CPSF1: variants seen among roughly 807,000 people sequenced by gnomAD.
The protein encoded by CPSF1 is cleavage and polyadenylation specificity factor subunit 1.
In CPSF1, 106 loss-of-function variants were observed where a neutral mutation model predicts 175.8. The observed-to-expected ratio is 0.60, with a 90% CI of 0.52 to 0.71. The LOEUF is 0.71. CPSF1 is among the 30% of genes least tolerant of loss of function. The pLI is 0.00. For missense variants in CPSF1, 1,734 were observed against 2,022.9 expected, an observed-to-expected ratio of 0.86 and a Z score of 2.74; for synonymous variants, 1,024 against 858.3, an observed-to-expected ratio of 1.19 and a Z score of -3.37.
rs1554862667 is a variant in CPSF1, at chr8:144,394,289, G to A, written c.3756C>T (p.Pro1252=). 2 of 1,594,422 alleles carry A rather than the reference G, an allele frequency of 1.3e-6. No homozygotes were observed. The highest frequency in any genetic ancestry group is 1.1e-5 in the South Asian group (1 of 89,336). The change falls in exon 33 of 38, where the codon CCC becomes CCT. Residue 1252 remains proline, a synonymous_variant. Coordinates refer to ENST00000616140, the MANE Select transcript of CPSF1 (RefSeq NM_013291.3). ...TLSLVSRDAK[P]LEVYSVDFMV... ...TGAAGTCCACGCTGTACACCTCCAG[G>A]GGCTTGGCATCCTGGGGGCGGGAAG...
rs1554863778 is a variant in CPSF1 at position 144,396,496 on chromosome 8, A to G, written c.2831T>C (p.Phe944Ser). 6.2e-7 allele frequency: 1 copy of G among 1,611,374 alleles called. No homozygotes were observed. Among genetic ancestry groups the G allele is most frequent in the African/African-American group, 1.3e-5 (1 of 74,998 alleles). The stretch of plus-strand genomic sequence containing the variant: ...CCAGTGAGGGGAGGGGCCGCAGATG[A>G]AGACCTGGGGGCAGGCACCGTGAGG... ...FEDIYGYSGV[F>S]ICGPSPHWLL... The change falls in exon 26 of 38, where the codon TTC becomes TCC. Residue 944 changes from phenylalanine to serine, a missense_variant. This residue lies in a region of CPSF1 where 585 missense variants were observed against 584.7 expected (regional missense o/e 1.00). Transcript: ENST00000616140.
rs189293023 is a variant in CPSF1, at chr8:144,401,349, C to G, written c.307-58G>C. The G allele has an allele frequency of 2.5e-6, 4 of 1,608,424 alleles. No individual in the cohort carries two copies. In the Admixed American group the frequency reaches 6.7e-5, roughly 27 times the overall value. ...CTGCCGGTCCTGACAGTGTCGCCCC[C>G]GGCAACCAACGGCTGTACCCAGGCC... is the stretch of plus-strand genomic sequence containing the variant. On this transcript the variant is annotated intron_variant, in intron 4 of 37. Coordinates refer to ENST00000616140, the MANE Select transcript of CPSF1 (RefSeq NM_013291.3).
At chr8:144,402,187 C>G (rs1554867523) in intron 2 of CPSF1, among the ~76,000 whole-genome samples, 1 of 152,230 alleles carries the variant, frequency 6.6e-6, no homozygotes, top group African/African-American at 2.4e-5. Flanking sequence ...TCACTGCCCT[C>G]CCAGAATGAT....
At chr8:144,393,428 G>A (rs1301620418) in intron 37 of CPSF1, 24 bp downstream of exon 37, 7 of 1,528,518 alleles carry the variant, frequency 4.6e-6, no homozygotes, top group South Asian at 1.2e-5. Context: ...GGCGGGGCGC[G>A]CGGGGGGCGG....
At chr8:144,405,609 G>A (rs1441007110) in intron 2 of CPSF1, among the ~76,000 whole-genome samples, 2 of 152,084 alleles carry the variant, frequency 1.3e-5, no homozygotes, top group South Asian at 2.1e-4. Flanking sequence ...GGGTGACAGA[G>A]GGAGACTCTC....
intron 4 of CPSF1, 39 bp from the exon 5 acceptor site, chr8:144,401,330 G>C (rs2116883699): frequency 6.2e-7 from 1 of 1,601,078 alleles, no homozygotes. Context: ...CCGACTGCCG[G>C]TCCTGACAGT....
intron 2 of CPSF1, among the ~76,000 whole-genome samples, chr8:144,408,018 G>A (rs1334105474): frequency 6.6e-6 from 1 of 152,204 alleles, no homozygotes; most frequent in Admixed American, 6.5e-5. Flanking sequence ...AGCCTTCAGA[G>A]GACAGGAGCC....
chr8:144,400,663 G>A lies in CPSF1; in HGVS notation c.686+8C>T. ...CACAGTGCAGAGGGGCCTCCTTAGGGGGCTCACCCAGGCCAGGTCTGGTTG... is the reference window on the plus strand; with the variant it reads ...CACAGTGCAGAGGGGCCTCCTTAGGAGGCTCACCCAGGCCAGGTCTGGTTG... On this transcript the variant is annotated splice_region_variant and intron_variant, in intron 7 of 37. Coordinates refer to ENST00000616140, the MANE Select transcript of CPSF1 (RefSeq NM_013291.3). The A allele has an allele frequency of 1.2e-6, 2 of 1,603,428 alleles. No individual in the cohort carries two copies.
Position 144,395,567 on chromosome 8 carries a change from AG to A in CPSF1, c.2980-17del. On this transcript the variant is annotated splice_polypyrimidine_tract_variant and intron_variant, in intron 26 of 37. Transcript: ENST00000616140. Reference sequence around the variant, plus strand: ...TCAGCTCGCCCTGGGGTGGGGGCACAGGGGTCAGGGGATCCAGGGCTAGCCA... The same window carrying A: ...TCAGCTCGCCCTGGGGTGGGGGCACAGGGTCAGGGGATCCAGGGCTAGCCA... 2 of 273,828 alleles carry A rather than the reference AG, an allele frequency of 7.3e-6. No individual in the cohort carries two copies. Among genetic ancestry groups the A allele is most frequent in the Non-Finnish European group, 7.3e-6 (1 of 137,410 alleles). 17.0% of individuals were successfully genotyped at this position (273,828 alleles called of 1,614,324 possible).
chr8:144,395,676 C>T, intron 26 of CPSF1, 125 bp from the exon 27 acceptor site: 3 of 766,244 alleles, frequency 3.9e-6, no homozygotes, highest in Non-Finnish European at 6.5e-6. Flanking sequence ...GGGTGAGGGG[C>T]AGCTGTGTCC....
At chr8:144,405,726 G>A (rs1821465251) in intron 2 of CPSF1, among the ~76,000 whole-genome samples, 1 of 152,246 alleles carries the variant, frequency 6.6e-6, no homozygotes, top group African/African-American at 2.4e-5. Context: ...TGTGGTGGCA[G>A]GGACGGTGCC....
rs782146951 is a variant in CPSF1 at position 144,397,849 on chromosome 8, G to C, written c.2104C>G (p.Arg702Gly). The C allele has an allele frequency of 6.2e-7, 1 of 1,611,102 alleles. No homozygotes were observed. The highest frequency in any genetic ancestry group is 1.7e-4 in the Middle Eastern group (1 of 6,056). Residue 702 changes from arginine to glycine, a missense_variant, in exon 21 of 38, where the codon CGA becomes GGA. Coordinates refer to ENST00000616140, the MANE Select transcript of CPSF1 (RefSeq NM_013291.3). ...GTGGTGAACATGCCGCTGAGGTCTC[G>C]GTACAGGCACAGCGTAATCACCTTG... ...QSKVITLCLY[R>G]DLSGMFTTES...
chr8:144,394,163 G>C lies in CPSF1; in HGVS notation c.3812-3C>G. 1 of 1,612,690 alleles carries C rather than the reference G, an allele frequency of 6.2e-7. No individual in the cohort carries two copies. The highest frequency in any genetic ancestry group is 8.5e-7 in the Non-Finnish European group (1 of 1,179,902). On this transcript the variant is annotated splice_region_variant and splice_polypyrimidine_tract_variant and intron_variant, in intron 33 of 37. Coordinates refer to ENST00000616140, the MANE Select transcript of CPSF1 (RefSeq NM_013291.3). ...GAGGTTGCGGTCGCGGTCAGACACTGGGGAGCAGAGGCCCAGGGTCAGCCC... is the reference window on the plus strand; with the variant it reads ...GAGGTTGCGGTCGCGGTCAGACACTCGGGAGCAGAGGCCCAGGGTCAGCCC...
Position 144,400,560 on chromosome 8 carries a change from G to T in CPSF1, c.687-67C>A. 28 of 1,607,518 alleles carry T rather than the reference G, an allele frequency of 1.7e-5. 1 individual carries two copies. The South Asian group carries it at 2.9e-4, about 16-fold the overall frequency. ...CAGAGACCCAGGCCCAGCTCCTCCC[G>T]AGCAAGCCCCACCACACCCCATAGG... On this transcript the variant is annotated intron_variant, in intron 7 of 37. Coordinates refer to ENST00000616140, the MANE Select transcript of CPSF1 (RefSeq NM_013291.3).
Position 144,398,144 on chromosome 8 carries a change from G to A in CPSF1, c.1895-12C>T, listed in dbSNP as rs1820896848. ...GTGCAGCTGATTCACTGTAGGCATG[G>A]GGCAGTCAGCATGCGCCTCCCCACC... On this transcript the variant is annotated splice_polypyrimidine_tract_variant and intron_variant, in intron 19 of 37. Transcript: ENST00000616140. 1.4e-6 allele frequency: 2 copies of A among 1,447,682 alleles called. No homozygotes were observed. Among genetic ancestry groups the A allele is most frequent in the East Asian group, 3.3e-5 (1 of 30,024 alleles). 89.7% of individuals were successfully genotyped at this position (1,447,682 alleles called of 1,614,324 possible).
intron 31 of CPSF1, 21 bp downstream of exon 31, chr8:144,394,594 AGCCGGGTGAGGGTGAGCCGGGGGACACAC>A: frequency 6.2e-7 from 1 of 1,602,606 alleles, no homozygotes; most frequent in Non-Finnish European, 8.5e-7. Flanking sequence ...GCGGACGGGG[AGCCGGGTGAGGGTGAGCCGGGGGACACAC>A]GCCGGGTGGG....
At position 144,399,081 on chromosome 8, in the gene CPSF1, C is replaced by G. The variant is rs1481985253; in HGVS notation, c.1468-43G>C. On this transcript the variant is annotated intron_variant, in intron 15 of 37. Transcript: ENST00000616140. The surrounding 1 kb of genome is among the most constrained non-coding windows in gnomAD (Gnocchi z 6.4). ...GTGAGGACTATGCCCCCCACCCCCC[C>G]TCACACTCCAGCCCCTGCCCCCAGC... 2 of 1,546,116 alleles carry G rather than the reference C, an allele frequency of 1.3e-6. No individual in the cohort carries two copies. The highest frequency in any genetic ancestry group is 1.7e-6 in the Non-Finnish European group (2 of 1,144,348).
In CPSF1 at chr8:144,398,267, C is replaced by CGG. The variant is rs2130771078; in HGVS notation, c.1894+34_1894+35insCC. The stretch of plus-strand genomic sequence containing the variant: ...CACCCACCTACCTCCTTCCAGCAGG[C>CGG]AGATGCCCAGGGCCCAACCACCCCC... On this transcript the variant is annotated intron_variant, in intron 19 of 37. Transcript: ENST00000616140. The CGG allele has an allele frequency of 5.7e-6, 6 of 1,043,520 alleles. 1 individual carries two copies. Among genetic ancestry groups the CGG allele is most frequent in the Middle Eastern group, 6.4e-4 (2 of 3,122 alleles). The allele number at this position is 1,043,520 out of a possible 1,614,324, so 64.6% of individuals were successfully genotyped here. A position where few individuals can be genotyped will look rare whatever the true frequency, so the allele number is the denominator to read the frequency against.
chr8:144,403,066 A>C (rs2116893414), intron 2 of CPSF1, among the ~76,000 whole-genome samples: 2 of 151,712 alleles, frequency 1.3e-5, no homozygotes, highest in African/African-American at 4.8e-5. Context: ...ATTCGTGATA[A>C]AAACTCCTAG....
Sources: gnomAD v4.1 joint callset for allele counts (sites outside exome capture counted in the v4.1 genomes callset) on GRCh38, gnomAD v4.1.1 for gene constraint, gnomAD v4.1.1 regional missense constraint, Gnocchi (gnomAD v3.1) non-coding constraint, MANE v1.5 for transcripts, NCBI Gene and HGNC (gene_info 2026-07-23, HGNC 2026-07-21) for gene names.